TSPAN11: variants seen among roughly 807,000 people sequenced by gnomAD.
The protein encoded by TSPAN11 is tetraspanin-11.
TSPAN11 carries 29 observed loss-of-function variants against 32.9 expected under a neutral mutation model. That is an observed-to-expected ratio of 0.88 (90% CI 0.66 to 1.20). TSPAN11 has a LOEUF of 1.20. TSPAN11 is among the 50% of genes most tolerant of loss of function. TSPAN11 has a pLI of 0.00. For synonymous variants in TSPAN11, 140 were observed against 141.3 expected (o/e 0.99, Z 0.07); for missense variants, 283 against 329.1 (o/e 0.86, Z 1.08).
intron 1 of TSPAN11, among the ~76,000 whole-genome samples, chr12:30,941,281 T>A (rs1045406468): frequency 6.6e-6 from 1 of 152,252 alleles, no homozygotes; most frequent in Non-Finnish European, 1.5e-5. Flanking sequence ...TTTGCTATAC[T>A]TGGGGATCTT....
intron 3 of TSPAN11, among the ~76,000 whole-genome samples, chr12:30,977,296 G>A (rs1394052285): frequency 6.6e-6 from 1 of 152,054 alleles, no homozygotes; most frequent in Non-Finnish European, 1.5e-5. Context: ...CCCCCGCTCC[G>A]CCGCCACCCG....
Position 30,965,790 on chromosome 12 carries a change from T to C in TSPAN11, c.276+1773T>C, listed in dbSNP as rs568030961. Among the ~76,000 whole-genome samples, 8 of 152,216 alleles carry C rather than the reference T, an allele frequency of 5.3e-5. No individual in the cohort carries two copies. In the East Asian group the frequency reaches 1.5e-3, roughly 29 times the overall value. ...GGAGAGCAGAGGCAGGTGAAGCAAT[T>C]TGCCCAGAGTCACCTTGCAGTTGTG... is the stretch of plus-strand genomic sequence containing the variant. On this transcript the variant is annotated intron_variant, in intron 3 of 7. Transcript: ENST00000546076.
intron 1 of TSPAN11, among the ~76,000 whole-genome samples, chr12:30,953,013 G>A (rs1938411621): frequency 6.6e-6 from 1 of 152,140 alleles, no homozygotes; most frequent in South Asian, 2.1e-4. Flanking sequence ...AAGCAAACAG[G>A]ATTACCAGGC....
intron 7 of TSPAN11, among the ~76,000 whole-genome samples, chr12:30,983,506 T>C (rs1179248143): frequency 6.6e-6 from 1 of 152,136 alleles, no homozygotes; most frequent in East Asian, 1.9e-4. Context: ...TCTGGGTCCA[T>C]GTGGTTGGGG....
chr12:30,939,668 G>T (rs1938120069), intron 1 of TSPAN11, among the ~76,000 whole-genome samples: 1 of 152,132 alleles, frequency 6.6e-6, no homozygotes, highest in African/African-American at 2.4e-5. Flanking sequence ...GCTTTCCCGG[G>T]CTCTGCTGTG....
chr12:30,988,722 T>G (rs1381019849), intron 7 of TSPAN11: 3 of 152,166 alleles, frequency 2.0e-5, no homozygotes, highest in Non-Finnish European at 4.4e-5. Context: ...CAAACATACA[T>G]TCGGGGTTCA....
chr12:30,984,124 C>T lies in TSPAN11; in HGVS notation c.702+974C>T, dbSNP rs77618013. Among the ~76,000 whole-genome samples, 246 of 152,312 alleles carry T rather than the reference C, an allele frequency of 1.6e-3. 7 individuals are homozygous for T. In the East Asian group the frequency reaches 0.042, roughly 26 times the overall value. On this transcript the variant is annotated intron_variant, in intron 7 of 7. Transcript: ENST00000546076. ...CTGCAGTCCCCAGCTCACGAACACG[C>T]CTGCTTCCGCTCAGCAGGAGCTGAG...
intron 2 of TSPAN11, among the ~76,000 whole-genome samples, chr12:30,957,409 G>T (rs181085222): frequency 5.3e-4 from 80 of 152,238 alleles, no homozygotes; most frequent in African/African-American, 1.9e-3. Context: ...CAGGACTCTA[G>T]GCCTGCTGTA....
At chr12:30,950,058 T>C (rs1938351156) in intron 1 of TSPAN11, among the ~76,000 whole-genome samples, 2 of 152,182 alleles carry the variant, frequency 1.3e-5, no homozygotes, top group Admixed American at 6.5e-5. Context: ...TGGGACCTCC[T>C]CTCTATGCTG....
At chr12:30,949,709 T>C (rs1453438428) in intron 1 of TSPAN11, among the ~76,000 whole-genome samples, 1 of 152,100 alleles carries the variant, frequency 6.6e-6, no homozygotes, top group African/African-American at 2.4e-5. Flanking sequence ...TCCTAGCTGC[T>C]TCCCTCCTGG....
In TSPAN11 at chr12:30,992,051, C is replaced by A; in HGVS notation, c.*136C>A. On this transcript the variant is annotated 3_prime_UTR_variant, in exon 8 of 8. Transcript: ENST00000546076. ...CCTTTGTGCCTAGCTCCTGCGAATC[C>A]ACCGAGTGCCTGAGACCATAGCTTC... is the stretch of plus-strand genomic sequence containing the variant. The A allele has an allele frequency of 1.1e-6, 1 of 947,898 alleles. No homozygotes were observed. The highest frequency in any genetic ancestry group is 2.0e-5 in the Admixed American group (1 of 49,330). The allele number at this position is 947,898 out of a possible 1,614,324, so 58.7% of individuals were successfully genotyped here.
intron 3 of TSPAN11, among the ~76,000 whole-genome samples, chr12:30,964,806 A>T (rs1938695153): frequency 6.6e-6 from 1 of 152,182 alleles, no homozygotes. Context: ...TGACCCATAA[A>T]CTGTTGTTGT....
At chr12:30,939,091 G>C (rs376434588) in intron 1 of TSPAN11, among the ~76,000 whole-genome samples, 1 of 152,008 alleles carries the variant, frequency 6.6e-6, no homozygotes, top group Non-Finnish European at 1.5e-5. Flanking sequence ...AATTAGCCAG[G>C]TGTGGTGGGC....
chr12:30,926,965 G>A (rs1937809614), intron 1 of TSPAN11, 169 bp downstream of exon 1: 2 of 1,280,308 alleles, frequency 1.6e-6, no homozygotes, highest in Non-Finnish European at 2.0e-6. Context: ...AGGAGTGGAG[G>A]AGGCAGGAAT....
intron 3 of TSPAN11, among the ~76,000 whole-genome samples, chr12:30,977,232 A>C (rs1157275221): frequency 1.3e-5 from 2 of 152,158 alleles, no homozygotes; most frequent in African/African-American, 4.8e-5. Context: ...GGCAAGGCCC[A>C]TGGGCCCATG....
chr12:30,961,938 C>T (rs945959166), intron 2 of TSPAN11, among the ~76,000 whole-genome samples: 5 of 152,140 alleles, frequency 3.3e-5, no homozygotes, highest in Admixed American at 2.0e-4. Context: ...CCTCACTGGT[C>T]ATGGAGGTTG....
At chr12:30,943,333 C>T (rs1263200911) in intron 1 of TSPAN11, among the ~76,000 whole-genome samples, 3 of 152,198 alleles carry the variant, frequency 2.0e-5, no homozygotes, top group African/African-American at 7.2e-5. Context: ...CAAACATCTG[C>T]TCTCATGTGT....
In TSPAN11 at chr12:30,993,878, C is replaced by T. The variant is rs1048725424; in HGVS notation, c.*1963C>T. 1 of 152,328 alleles carries T rather than the reference C, an allele frequency of 6.6e-6. No homozygotes were observed. The highest frequency in any genetic ancestry group is 1.5e-5 in the Non-Finnish European group (1 of 68,114). The allele number at this position is 152,328 out of a possible 1,614,324, so 9.4% of individuals were successfully genotyped here. On this transcript the variant is annotated 3_prime_UTR_variant, in exon 8 of 8. Transcript: ENST00000546076. Reference sequence around the variant, plus strand: ...GGGTGCTGGGGCCTTACCTGTCTGCCCTGGTGGGGATGAAAGACAGGTGAC... The same window carrying T: ...GGGTGCTGGGGCCTTACCTGTCTGCTCTGGTGGGGATGAAAGACAGGTGAC...
At chr12:30,972,875 G>A (rs923408671) in intron 3 of TSPAN11, among the ~76,000 whole-genome samples, 14 of 152,048 alleles carry the variant, frequency 9.2e-5, no homozygotes, top group African/African-American at 2.4e-4. Flanking sequence ...ACAGCTGGCA[G>A]GGGACTGAAC....
Sources: gnomAD v4.1 joint callset for allele counts (sites outside exome capture counted in the v4.1 genomes callset) on GRCh38, gnomAD v4.1.1 for gene constraint, MANE v1.5 for transcripts, NCBI Gene and HGNC (gene_info 2026-07-23, HGNC 2026-07-21) for gene names.